DLC1: variants seen among roughly 807,000 people sequenced by gnomAD.
DLC1 encodes the protein DLC1 Rho GTPase activating protein.
Under a neutral mutation model 140.3 loss-of-function variants are expected in DLC1, and 54 were observed. The ratio of observed to expected loss-of-function variants is 0.38; its 90% CI spans 0.31 to 0.48. The LOEUF (loss-of-function observed/expected upper bound fraction) is 0.48. Among genes scored for constraint, DLC1 ranks in the 20% least tolerant of loss-of-function variants. DLC1 has a pLI of 0.96. For synonymous variants in DLC1, 986 were observed against 728.1 expected (o/e 1.35, Z -5.70); for missense variants, 2,536 against 1,907.0 (o/e 1.33, Z -6.14).
intron 2 of DLC1, among the ~76,000 whole-genome samples, chr8:13,429,714 C>G (rs375064080): frequency 2.6e-5 from 4 of 152,104 alleles, no homozygotes; most frequent in African/African-American, 7.2e-5. Flanking sequence ...TTGTTAGTAT[C>G]TATTTGGATA....
intron 5 of DLC1, among the ~76,000 whole-genome samples, chr8:13,250,933 G>C (rs945401278): frequency 6.6e-6 from 1 of 152,080 alleles, no homozygotes; most frequent in African/African-American, 2.4e-5. Flanking sequence ...AATACTAAAA[G>C]AAAATTCAGT....
intron 7 of DLC1, among the ~76,000 whole-genome samples, chr8:13,108,701 A>G (rs1315398229): frequency 1.3e-5 from 2 of 152,218 alleles, no homozygotes; most frequent in African/African-American, 4.8e-5. Flanking sequence ...AACTGCGTGA[A>G]ATGATGTAAT....
intron 2 of DLC1, among the ~76,000 whole-genome samples, chr8:13,408,591 C>T (rs1031618392): frequency 6.6e-6 from 1 of 152,048 alleles, no homozygotes; most frequent in Non-Finnish European, 1.5e-5. Flanking sequence ...AGAACTGAGG[C>T]CCATTTTGGG....
intron 1 of DLC1, among the ~76,000 whole-genome samples, chr8:13,566,431 T>C (rs1405481711): frequency 7.4e-6 from 1 of 135,534 alleles, no homozygotes; most frequent in Non-Finnish European, 1.5e-5. Context: ...TCTTACAGAA[T>C]GGTTTCTGTA....
intron 4 of DLC1, among the ~76,000 whole-genome samples, chr8:13,381,874 A>T (rs546456382): frequency 6.6e-6 from 1 of 152,180 alleles, no homozygotes; most frequent in South Asian, 2.1e-4. Flanking sequence ...CACCATAACA[A>T]AAAAACTAAA....
chr8:13,155,546 A>C (rs1824192525), intron 5 of DLC1, among the ~76,000 whole-genome samples: 1 of 152,156 alleles, frequency 6.6e-6, no homozygotes, highest in African/African-American at 2.4e-5. Flanking sequence ...AATTAATAAA[A>C]TATTGAGATA....
At chr8:13,185,122 CTTTTT>C (rs1193667992) in intron 5 of DLC1, among the ~76,000 whole-genome samples, 2 of 84,556 alleles carry the variant, frequency 2.4e-5, no homozygotes, top group African/African-American at 5.2e-5. Flanking sequence ...GCAACCCCTG[CTTTTT>C]TTTTTTTTTT....
rs775467881 is a variant in DLC1, at chr8:13,499,844, C to A, written c.228G>T (p.Arg76Ser). ...CATCCTTTGAAAGATGACCCATTGG[C>A]CTCCCAGGAAAATCTCTCAGCTCTG... ...HGSELRDFPGRPMGHLSKDVD... is the reference protein window; with the variant it reads ...HGSELRDFPGSPMGHLSKDVD... The change falls in exon 2 of 18, where the codon AGG becomes AGT. Residue 76 changes from arginine (R) to serine (S), a missense_variant. Arg to Ser is a moderately radical substitution (Grantham distance 110). Transcript: ENST00000276297. 8 of 1,613,952 alleles carry A rather than the reference C, an allele frequency of 5.0e-6. No homozygotes were observed. The highest frequency in any genetic ancestry group is 1.1e-5 in the South Asian group (1 of 91,094).
chr8:13,511,025 T>G (rs972267363), intron 1 of DLC1, among the ~76,000 whole-genome samples: 8 of 152,188 alleles, frequency 5.3e-5, no homozygotes, highest in Non-Finnish European at 1.0e-4. Flanking sequence ...CACAAACATT[T>G]ATTGACAAAT....
intron 16 of DLC1, among the ~76,000 whole-genome samples, chr8:13,087,420 A>C (rs1817656577): frequency 6.6e-6 from 1 of 152,186 alleles, no homozygotes. Context: ...CAAACAACCA[A>C]CCAACTAACC....
At chr8:13,464,770 ATATATATATATATATATATATT>A (rs1799852434) in intron 2 of DLC1, among the ~76,000 whole-genome samples, 2 of 28,056 alleles carry the variant, frequency 7.1e-5, no homozygotes, top group African/African-American at 1.1e-4. Flanking sequence ...ATATATTTAT[ATATATATATATATATATATATT>A]TATGCTTAAA....
intron 13 of DLC1, 139 bp downstream of exon 13, chr8:13,092,473 G>A: frequency 1.0e-5 from 9 of 863,076 alleles, no homozygotes; most frequent in East Asian, 2.7e-5. Context: ...CTTTATTAGC[G>A]GTGTGAGAAT....
intron 5 of DLC1, among the ~76,000 whole-genome samples, chr8:13,255,792 C>T (rs1034904927): frequency 6.6e-6 from 1 of 152,178 alleles, no homozygotes; most frequent in African/African-American, 2.4e-5. Context: ...AGTTACTATC[C>T]ACGCTCGTCT....
intron 1 of DLC1, among the ~76,000 whole-genome samples, chr8:13,591,023 T>G (rs919166951): frequency 1.3e-5 from 2 of 152,016 alleles, no homozygotes; most frequent in Admixed American, 6.6e-5. Flanking sequence ...TCAATTGACA[T>G]TGAACATAAG....
At position 13,232,108 on chromosome 8, in the gene DLC1, C is replaced by T. The variant is rs532190838; in HGVS notation, c.1348+73161G>A. On this transcript the variant is annotated intron_variant, in intron 5 of 17. Coordinates refer to ENST00000276297, the MANE Select transcript of DLC1 (RefSeq NM_182643.3). ...AAGGAGGTGGCTTCATTTCACTTGGCCTTTGGTGTCTGCAGCAGAGACAAT... is the reference window on the plus strand; with the variant it reads ...AAGGAGGTGGCTTCATTTCACTTGGTCTTTGGTGTCTGCAGCAGAGACAAT... Among the ~76,000 whole-genome samples the T allele has an allele frequency of 3.9e-5, 6 of 152,204 alleles. 1 individual carries two copies. Among genetic ancestry groups the T allele is most frequent in the African/African-American group, 1.4e-4 (6 of 41,518 alleles).
Position 13,413,256 on chromosome 8 carries a change from A to ATTT in DLC1, c.1024-11640_1024-11638dup, listed in dbSNP as rs58038503. ...TAAAACATTATGAGATTTTTTTGCG[A>ATTT]TTTTTTTTTTTTTTTTTTTTTAGCT... On this transcript the variant is annotated intron_variant, in intron 2 of 17. Transcript: ENST00000276297. Among the ~76,000 whole-genome samples, 43 of 82,000 alleles carry ATTT rather than the reference A, an allele frequency of 5.2e-4. 5 individuals are homozygous for ATTT. Among genetic ancestry groups the ATTT allele is most frequent in the South Asian group, 2.9e-3 (6 of 2,040 alleles). The allele number at this position is 82,000 out of a possible 152,430, so 53.8% of individuals were successfully genotyped here.
intron 2 of DLC1, among the ~76,000 whole-genome samples, chr8:13,473,843 C>T (rs1263827379): frequency 6.6e-6 from 1 of 152,116 alleles, no homozygotes; most frequent in Non-Finnish European, 1.5e-5. Context: ...AATTTCTAAG[C>T]AGCAAAGTAT....
At chr8:13,547,776 CT>C (rs1365214566) in intron 1 of DLC1, among the ~76,000 whole-genome samples, 1 of 152,060 alleles carries the variant, frequency 6.6e-6, no homozygotes, top group Non-Finnish European at 1.5e-5. Flanking sequence ...CCTACTCTTT[CT>C]AATCTCTTCT....
chr8:13,092,649 G>A lies in DLC1; in HGVS notation c.3703C>T (p.His1235Tyr). Residue 1235 changes from histidine to tyrosine, a missense_variant, in exon 13 of 18, where the codon CAT becomes TAT. His to Tyr is a moderately conservative substitution (Grantham distance 83). Coordinates refer to ENST00000276297, the MANE Select transcript of DLC1 (RefSeq NM_182643.3). Reference sequence around the variant, plus strand: ...TTCTCTCTCTTCAGGGTGTTGAGATGGAAGAGGGAAGGCGCTAAGCACACG... The same window carrying A: ...TTCTCTCTCTTCAGGGTGTTGAGATAGAAGAGGGAAGGCGCTAAGCACACG... Reference protein sequence around the residue: ...LAVCLAPSLFHLNTLKRENSS... With the variant: ...LAVCLAPSLFYLNTLKRENSS... The A allele has an allele frequency of 6.2e-7, 1 of 1,614,152 alleles. No individual in the cohort carries two copies. The highest frequency in any genetic ancestry group is 8.5e-7 in the Non-Finnish European group (1 of 1,180,034).
Sources: gnomAD v4.1 joint callset for allele counts (sites outside exome capture counted in the v4.1 genomes callset) on GRCh38, gnomAD v4.1.1 for gene constraint, MANE v1.5 for transcripts, NCBI Gene and HGNC (gene_info 2026-07-23, HGNC 2026-07-21) for gene names.